Variants in MED14 observed in about 807,000 individuals in gnomAD.
MED14 encodes mediator of RNA polymerase II transcription subunit 14.
MED14 carries 8 observed loss-of-function variants against 109.0 expected under a neutral mutation model. That is an observed-to-expected ratio of 0.07 (90% CI 0.04 to 0.13). The LOEUF is 0.13. MED14 is among the 10% of genes least tolerant of loss of function. MED14 has a pLI of 1.00. For missense variants in MED14, 711 were observed against 1,142.4 expected (o/e 0.62, Z 5.44); for synonymous variants, 399 against 408.7 (o/e 0.98, Z 0.29).
chrX:40,652,515 T>C (rs1928913342), intron 30 of MED14, among the ~76,000 whole-genome samples: 1 of 112,224 alleles, frequency 8.9e-6, no homozygotes, highest in South Asian at 3.7e-4. Flanking sequence ...CTGACATCTA[T>C]TGGAGTTTTC....
At chrX:40,726,916 G>C in intron 2 of MED14, 65 bp from the exon 3 acceptor site, 3 of 893,557 alleles carry the variant, frequency 3.4e-6, no homozygotes, top group Non-Finnish European at 4.7e-6. Context: ...ATTTATTTCA[G>C]CTAAGCAAAA....
intron 1 of MED14, 75 bp from the exon 2 acceptor site, chrX:40,729,420 C>G: frequency 1.0e-6 from 1 of 1,000,538 alleles, no homozygotes; most frequent in Non-Finnish European, 1.4e-6. Context: ...TTTACTTTGA[C>G]TCTATTAAAT....
At chrX:40,665,386 G>A (rs1007815988) in intron 24 of MED14, among the ~76,000 whole-genome samples, 2 of 110,941 alleles carry the variant, frequency 1.8e-5, no homozygotes, top group Non-Finnish European at 3.8e-5. Flanking sequence ...CTAGCCAGGC[G>A]TGGTTGTGCA....
Position 40,682,614 on chromosome X carries a change from C to A in MED14, c.2354G>T (p.Arg785Leu). The A allele has an allele frequency of 3.4e-6, 4 of 1,171,220 alleles. No homozygotes were observed. Among genetic ancestry groups the A allele is most frequent in the Non-Finnish European group, 4.6e-6 (4 of 874,227 alleles). Reference protein sequence around the residue: ...RLYECVLEFARSLPDIPAHLN... With the variant: ...RLYECVLEFALSLPDIPAHLN... Reference sequence around the variant, plus strand: ...ATCTCCACACGTACCTGGTAGAGAACGTGCAAATTCCAACACACACTCATA... The same window carrying A: ...ATCTCCACACGTACCTGGTAGAGAAAGTGCAAATTCCAACACACACTCATA... Residue 785 changes from arginine to leucine, a missense_variant, in exon 18 of 31, where the codon CGT (arginine) becomes CTT (leucine). Arg to Leu is a moderately radical substitution (Grantham distance 102). This residue lies in a region of MED14 where 388 missense variants were observed against 517.3 expected (regional missense o/e 0.75). Transcript: ENST00000324817.
At position 40,714,621 on chromosome X, in the gene MED14, A is replaced by G. The variant is rs1486256383; in HGVS notation, c.438T>C (p.His146=). ...GGATGGCAAAACTAGGCAGGCGTGC[A>G]TGGACCAGAGCATCTCTAGCTAACG... is the stretch of plus-strand genomic sequence containing the variant. ...LASLARDALV[H]ARLPSFAIPY... The change falls in exon 4 of 31, where the codon CAT becomes CAC. Residue 146 remains histidine (H), a synonymous_variant. Transcript: ENST00000324817. 1.7e-6 allele frequency: 2 copies of G among 1,209,927 alleles called. No homozygotes were observed. The highest frequency in any genetic ancestry group is 1.7e-5 in the African/African-American group (1 of 57,164).
chrX:40,733,707 A>G, intron 1 of MED14, among the ~76,000 whole-genome samples: 2 of 112,117 alleles, frequency 1.8e-5, no homozygotes, highest in Non-Finnish European at 3.8e-5. Flanking sequence ...ATTTGGCCTG[A>G]GCAACAACAG....
In MED14 at chrX:40,649,345, C is replaced by T. The variant is rs780727688; in HGVS notation, c.*2461G>A. ...CATAAGGTTCGACTCCTGTTATTAG[C>T]GACTTGACACGTTCTGCTGAAGCTC... On this transcript the variant is annotated 3_prime_UTR_variant, in exon 31 of 31. Transcript: ENST00000324817. The T allele has an allele frequency of 5.5e-5, 8 of 145,834 alleles. No individual in the cohort carries two copies. The South Asian group carries it at 9.7e-4, about 18-fold the overall frequency. The allele number at this position is 145,834 out of a possible 1,213,427, so 12.0% of individuals were successfully genotyped here.
At chrX:40,674,651 T>C (rs1057077628) in intron 22 of MED14, among the ~76,000 whole-genome samples, 6 of 112,050 alleles carry the variant, frequency 5.4e-5, no homozygotes, top group African/African-American at 9.7e-5. Flanking sequence ...CAAAGGACTG[T>C]TGAAGGGCTA....
Position 40,714,768 on chromosome X carries a change from T to A in MED14, c.349-58A>T, listed in dbSNP as rs1931456094. On this transcript the variant is annotated intron_variant, in intron 3 of 30. Transcript: ENST00000324817. The stretch of plus-strand genomic sequence containing the variant: ...CCTGAAAACTATCTCCTTTTCACAC[T>A]AAATATTGTTAAATCATTCCAAAGT... 5.1e-6 allele frequency: 5 copies of A among 977,022 alleles called. No individual in the cohort carries two copies. In the African/African-American group the frequency reaches 9.6e-5, roughly 19 times the overall value. 80.5% of individuals were successfully genotyped at this position (977,022 alleles called of 1,213,427 possible).
At chrX:40,691,572 T>C (rs147273070) in intron 15 of MED14, among the ~76,000 whole-genome samples, 1,013 of 99,977 alleles carry the variant, frequency 0.01, 10 homozygotes, top group African/African-American at 0.036. Flanking sequence ...CAGGCATCAG[T>C]CACTGCACTC....
chrX:40,665,922 A>T (rs1447147605), intron 24 of MED14, among the ~76,000 whole-genome samples: 1 of 112,577 alleles, frequency 8.9e-6, no homozygotes, highest in Non-Finnish European at 1.9e-5. Context: ...AAGTCATGGT[A>T]TGCCCAGACA....
chrX:40,670,503 T>G (rs1300984560), intron 23 of MED14, among the ~76,000 whole-genome samples: 1 of 111,916 alleles, frequency 8.9e-6, no homozygotes, highest in Non-Finnish European at 1.9e-5. Flanking sequence ...GGCTCACGCC[T>G]GTAATCCCAG....
At chrX:40,674,189 C>A (rs1929834071) in intron 22 of MED14, among the ~76,000 whole-genome samples, 1 of 110,276 alleles carries the variant, frequency 9.1e-6, no homozygotes, top group African/African-American at 3.3e-5. Context: ...CACAAGAGCC[C>A]CGCACCTCGG....
chrX:40,721,080 T>C (rs928206903), intron 3 of MED14, among the ~76,000 whole-genome samples: 5 of 111,279 alleles, frequency 4.5e-5, no homozygotes, highest in Non-Finnish European at 9.4e-5. Flanking sequence ...GTGGTGGCTA[T>C]GGTGAAAGAC....
Position 40,659,280 on chromosome X carries a change from C to T in MED14, c.3919G>A (p.Gly1307Arg). 8.6e-7 allele frequency: 1 copy of T among 1,166,468 alleles called. No individual in the cohort carries two copies. The highest frequency in any genetic ancestry group is 1.1e-6 in the Non-Finnish European group (1 of 871,815). ...NTLIAFTKLL[G>R]APTHILRDCV... ...TCCCTGAGGATGTGTGTAGGAGCTC[C>T]TAATAGCTTGGTGAAGGCTATTAAC... Residue 1307 changes from glycine to arginine, a missense_variant, in exon 28 of 31, where the codon GGA (glycine) becomes AGA (arginine). This residue lies in a region of MED14 where 54 missense variants were observed against 129.6 expected (regional missense o/e 0.42). Coordinates refer to ENST00000324817, the MANE Select transcript of MED14 (RefSeq NM_004229.4).
chrX:40,689,630 G>A (rs1268701978), intron 15 of MED14, among the ~76,000 whole-genome samples: 3 of 109,547 alleles, frequency 2.7e-5, no homozygotes. Flanking sequence ...GGTGGAGGTT[G>A]CAGTAAGCCA....
chrX:40,676,715 G>A (rs779687181), intron 21 of MED14, among the ~76,000 whole-genome samples: 11 of 111,800 alleles, frequency 9.8e-5, no homozygotes, highest in Non-Finnish European at 1.9e-4. Flanking sequence ...TTGTGATAGT[G>A]AGTTCTCACC....
At chrX:40,688,405 G>C (rs767785818) in intron 16 of MED14, 49 bp downstream of exon 16, 5 of 920,257 alleles carry the variant, frequency 5.4e-6, no homozygotes, top group Non-Finnish European at 7.9e-6. Flanking sequence ...AGCTTTCAGA[G>C]TGTGACTGCA....
At position 40,651,644 on chromosome X, in the gene MED14, A is replaced by G; in HGVS notation, c.*162T>C. ...TTCATTATACAAAAGATGGATGATCATTTTGATGAAAGAAGTGCACCCTGA... is the reference window on the plus strand; with the variant it reads ...TTCATTATACAAAAGATGGATGATCGTTTTGATGAAAGAAGTGCACCCTGA... On this transcript the variant is annotated 3_prime_UTR_variant, in exon 31 of 31. Coordinates refer to ENST00000324817, the MANE Select transcript of MED14 (RefSeq NM_004229.4). 2 of 1,044,729 alleles carry G rather than the reference A, an allele frequency of 1.9e-6. No homozygotes were observed. Among genetic ancestry groups the G allele is most frequent in the Non-Finnish European group, 1.2e-6 (1 of 815,089 alleles). The allele number at this position is 1,044,729 out of a possible 1,213,427, so 86.1% of individuals were successfully genotyped here.
Sources: allele counts gnomAD v4.1 joint callset (sites outside exome capture counted in the v4.1 genomes callset), GRCh38; gene constraint gnomAD v4.1.1; regional missense constraint gnomAD v4.1.1; transcripts MANE v1.5; gene names NCBI Gene and HGNC (gene_info 2026-07-23, HGNC 2026-07-21).